The following COL26A1 variants were observed in gnomAD, a reference collection of about 807,000 sequenced individuals.
The protein encoded by COL26A1 is collagen alpha-1(XXVI) chain.
A neutral mutation model predicts 59.3 loss-of-function variants in COL26A1; 41 were observed. That is an observed-to-expected ratio of 0.69 (90% CI 0.54 to 0.90). The LOEUF (loss-of-function observed/expected upper bound fraction) is 0.90. Ranked by LOEUF, COL26A1 falls within the 40% of genes least tolerant of loss-of-function variation. COL26A1 has a pLI of 0.00. For missense variants in COL26A1, 612 were observed against 602.3 expected (o/e 1.02, Z -0.17); for synonymous variants, 266 against 256.0 (o/e 1.04, Z -0.37).
At chr7:101,420,665 G>A (rs1201167584) in intron 2 of COL26A1, among the ~76,000 whole-genome samples, 1 of 73,268 alleles carries the variant, frequency 1.4e-5, no homozygotes, top group Middle Eastern at 7.6e-3. Context: ...CCCCTCACCA[G>A]CTCTGCCCCT....
chr7:101,489,810 CTTT>C (rs767433801), intron 3 of COL26A1, among the ~76,000 whole-genome samples: 166 of 3,534 alleles, frequency 0.047, 20 homozygotes, highest in Non-Finnish European at 0.071. Flanking sequence ...TTCTTTCTTT[CTTT>C]CTTTCTTTCT....
intron 3 of COL26A1, among the ~76,000 whole-genome samples, chr7:101,513,146 A>G (rs1405885954): frequency 6.6e-6 from 1 of 151,724 alleles, no homozygotes; most frequent in Admixed American, 6.6e-5. Flanking sequence ...AGCTGGGATT[A>G]CAGGCATGCG....
intron 11 of COL26A1, among the ~76,000 whole-genome samples, chr7:101,554,128 T>C (rs949964369): frequency 6.6e-6 from 1 of 151,720 alleles, no homozygotes; most frequent in Non-Finnish European, 1.5e-5. Context: ...AGGACAGCAG[T>C]GATTGCCAGA....
chr7:101,424,577 G>A (rs149593502), intron 2 of COL26A1, among the ~76,000 whole-genome samples: 51 of 152,336 alleles, frequency 3.3e-4, no homozygotes, highest in African/African-American at 1.2e-3. Flanking sequence ...CAGCCTGGGT[G>A]ACAGAGCAAG....
At chr7:101,540,107 C>T (rs1584498419) in intron 5 of COL26A1, 58 bp downstream of exon 5, 3 of 1,515,826 alleles carry the variant, frequency 2.0e-6, no homozygotes, top group East Asian at 4.6e-5. Flanking sequence ...TTGGGCATGG[C>T]CTCCCAGGGC....
At chr7:101,521,058 T>C (rs758423645) in intron 3 of COL26A1, among the ~76,000 whole-genome samples, 77 of 152,276 alleles carry the variant, frequency 5.1e-4, no homozygotes, top group Non-Finnish European at 9.4e-4. Context: ...TGGGGAGGCC[T>C]CAGGAAACTT....
chr7:101,441,720 G>A (rs1326233958), intron 2 of COL26A1, among the ~76,000 whole-genome samples: 1 of 152,130 alleles, frequency 6.6e-6, no homozygotes, highest in Non-Finnish European at 1.5e-5. Flanking sequence ...CCTGGTGGGT[G>A]AGGGCCAGAG....
intron 1 of COL26A1, among the ~76,000 whole-genome samples, chr7:101,396,302 T>A (rs985067711): frequency 1.3e-5 from 2 of 151,976 alleles, no homozygotes; most frequent in Admixed American, 1.3e-4. Flanking sequence ...AAACTCCTAG[T>A]GGTTCCCCAT....
intron 3 of COL26A1, among the ~76,000 whole-genome samples, chr7:101,502,619 G>C (rs1019217234): frequency 1.1e-4 from 16 of 147,436 alleles, no homozygotes; most frequent in Admixed American, 1.1e-3. Context: ...GCTGGAGCTG[G>C]GCTGGAGCCC....
At chr7:101,363,648 C>T (rs985478872) in intron 1 of COL26A1, among the ~76,000 whole-genome samples, 1 of 151,316 alleles carries the variant, frequency 6.6e-6, no homozygotes, top group African/African-American at 2.4e-5. Flanking sequence ...GCTGAAGGTT[C>T]GGGTCCGGCT....
At chr7:101,395,299 C>T (rs2130169125) in intron 1 of COL26A1, among the ~76,000 whole-genome samples, 1 of 152,342 alleles carries the variant, frequency 6.6e-6, no homozygotes, top group East Asian at 1.9e-4. Flanking sequence ...CCACCACAGA[C>T]TGATTAAAAG....
At chr7:101,490,667 C>G (rs1248811499) in intron 3 of COL26A1, among the ~76,000 whole-genome samples, 1 of 151,786 alleles carries the variant, frequency 6.6e-6, no homozygotes, top group Admixed American at 6.6e-5. Context: ...CACCATTGCA[C>G]TCCAGCCTGG....
chr7:101,385,225 CACACACTA>C (rs1485760741), intron 1 of COL26A1, among the ~76,000 whole-genome samples: 9 of 65,072 alleles, frequency 1.4e-4, no homozygotes, highest in Admixed American at 2.1e-4. Flanking sequence ...CACACACACA[CACACACTA>C]TATATATATA....
Position 101,369,796 on chromosome 7 carries a change from A to AGCAT in COL26A1, c.158+6607_158+6610dup, listed in dbSNP as rs1389184338. 2.0e-5 allele frequency among the ~76,000 whole-genome samples: 3 copies of AGCAT among 152,252 alleles called. No individual in the cohort carries two copies. In the East Asian group the frequency reaches 5.8e-4, roughly 29 times the overall value. On this transcript the variant is annotated intron_variant, in intron 1 of 12. Transcript: ENST00000313669. ...TCAAGTTTCCCTCCACTGGGGTTAC[A>AGCAT]GCATTTTGCATTCCCATCAGCAGTT...
intron 3 of COL26A1, among the ~76,000 whole-genome samples, chr7:101,510,020 G>C (rs1294834400): frequency 8.2e-6 from 1 of 121,660 alleles, no homozygotes; most frequent in African/African-American, 5.2e-5. Flanking sequence ...AAGCCATCGC[G>C]CCCAGTCTTT....
At chr7:101,538,361 A>C (rs1466643957) in intron 4 of COL26A1, among the ~76,000 whole-genome samples, 1 of 152,176 alleles carries the variant, frequency 6.6e-6, no homozygotes, top group Non-Finnish European at 1.5e-5. Flanking sequence ...GTTGAGACAG[A>C]ACTGTTGGGA....
intron 1 of COL26A1, among the ~76,000 whole-genome samples, chr7:101,369,267 C>A (rs1379765841): frequency 6.6e-6 from 1 of 151,626 alleles, no homozygotes; most frequent in Non-Finnish European, 1.5e-5. Flanking sequence ...ATTAGCTGGG[C>A]ATGGTGGCGC....
At chr7:101,401,244 ACT>A (rs1791988797) in intron 1 of COL26A1, among the ~76,000 whole-genome samples, 1 of 151,910 alleles carries the variant, frequency 6.6e-6, no homozygotes, top group African/African-American at 2.4e-5. Flanking sequence ...GAGGCCTTTG[ACT>A]CTGCCTGCCT....
At chr7:101,499,693 A>G (rs1794659996) in intron 3 of COL26A1, among the ~76,000 whole-genome samples, 1 of 151,646 alleles carries the variant, frequency 6.6e-6, no homozygotes, top group Non-Finnish European at 1.5e-5. Context: ...CAAAAATAAT[A>G]ATAAAAATAA....
Sources: allele counts gnomAD v4.1 joint callset (sites outside exome capture counted in the v4.1 genomes callset), GRCh38; gene constraint gnomAD v4.1.1; transcripts MANE v1.5; gene names NCBI Gene and HGNC (gene_info 2026-07-23, HGNC 2026-07-21).